PLB1: variants seen among roughly 807,000 people sequenced by gnomAD.
The protein encoded by PLB1 is phospholipase B1.
PLB1 carries 242 observed loss-of-function variants against 227.4 expected under a neutral mutation model. The observed-to-expected ratio is 1.06, with a 90% CI of 0.96 to 1.18. PLB1 has a LOEUF of 1.18. Ranked by LOEUF, PLB1 falls within the 50% of genes most tolerant of loss-of-function variation. The pLI, the probability that PLB1 is intolerant of heterozygous loss-of-function variation, is 0.00. For synonymous variants in PLB1, 757 were observed against 682.2 expected, an observed-to-expected ratio of 1.11 and a Z score of -1.71; for missense variants, 1,858 against 1,816.3, an observed-to-expected ratio of 1.02 and a Z score of -0.42.
rs905831585 is a variant in PLB1 at position 28,566,832 on chromosome 2, C to T, written c.1317C>T (p.Thr439=). 1.9e-6 allele frequency: 3 copies of T among 1,613,882 alleles called. No individual in the cohort carries two copies. In the African/African-American group the frequency reaches 4.0e-5, roughly 22 times the overall value. ...ATGAGAACATCGGCACCGTTACCAC[C>T]CTGGCGAGTGAGTACGCGGCGGCGG... ...GGDENIGTVT[T]LANILREFNP... The change falls in exon 20 of 58, where the codon ACC becomes ACT. Residue 439 remains threonine (T), a synonymous_variant. Transcript: ENST00000327757.
chr2:28,614,014 G>GTTTTT lies in PLB1; in HGVS notation c.3130-12_3130-8dup. On this transcript the variant is annotated splice_polypyrimidine_tract_variant and intron_variant, in intron 43 of 57. Transcript: ENST00000327757. The stretch of plus-strand genomic sequence containing the variant: ...GTGCTGTCAGATAACTTCTCCATGT[G>GTTTTT]TTTTTTTTTCTCTTAGAATGAGCCC... The GTTTTT allele has an allele frequency of 6.5e-7, 1 of 1,547,092 alleles. No individual in the cohort carries two copies. Among genetic ancestry groups the GTTTTT allele is most frequent in the Admixed American group, 1.7e-5 (1 of 58,774 alleles).
chr2:28,517,765 A>G (rs1028380356), intron 2 of PLB1, among the ~76,000 whole-genome samples: 4 of 152,136 alleles, frequency 2.6e-5, no homozygotes, highest in Non-Finnish European at 5.9e-5. Flanking sequence ...AGTAAAATAT[A>G]TACAAAAGTT....
intron 14 of PLB1, among the ~76,000 whole-genome samples, chr2:28,546,649 T>A (rs1673307804): frequency 6.6e-6 from 1 of 152,138 alleles, no homozygotes. Context: ...TTCTGGGGAT[T>A]GGGGATGCAG....
At chr2:28,613,671 G>A (rs1270733174) in intron 43 of PLB1, among the ~76,000 whole-genome samples, 1 of 152,110 alleles carries the variant, frequency 6.6e-6, no homozygotes, top group Non-Finnish European at 1.5e-5. Context: ...AACACTTTCT[G>A]GAAGATTAAA....
intron 43 of PLB1, among the ~76,000 whole-genome samples, chr2:28,611,634 G>T (rs113302913): frequency 6.6e-6 from 1 of 152,076 alleles, no homozygotes; most frequent in Non-Finnish European, 1.5e-5. Context: ...GCTCTCTAAC[G>T]CTTGAGCTGC....
intron 34 of PLB1, 57 bp from the exon 35 acceptor site, chr2:28,598,594 GA>G: frequency 2.2e-6 from 3 of 1,363,590 alleles, no homozygotes; most frequent in Non-Finnish European, 3.2e-6. Context: ...CAGTACCAGA[GA>G]AGCTATTCTG....
In PLB1 at chr2:28,604,663, G is replaced by T. The variant is rs1451018311; in HGVS notation, c.2865G>T (p.Met955Ile). 1 of 1,613,940 alleles carries T rather than the reference G, an allele frequency of 6.2e-7. No homozygotes were observed. Among genetic ancestry groups the T allele is most frequent in the African/African-American group, 1.3e-5 (1 of 74,920 alleles). The change falls in exon 41 of 58, where the codon ATG becomes ATT. Residue 955 changes from methionine to isoleucine, a missense_variant. Coordinates refer to ENST00000327757, the MANE Select transcript of PLB1 (RefSeq NM_153021.5). ...TGTGCATGTGTCCCCAGAGCAGCAT[G>T]CGCGAGCTGGTGGGGTCAGGCCGCT... ...EAFSRAYRSSMRELVGSGRYD... is the reference protein window; with the variant it reads ...EAFSRAYRSSIRELVGSGRYD...
At chr2:28,525,184 T>A in intron 4 of PLB1, 83 bp from the exon 5 acceptor site, 1 of 1,324,732 alleles carries the variant, frequency 7.5e-7, no homozygotes, top group African/African-American at 1.5e-5. Flanking sequence ...GGAGGGGGAG[T>A]TCTGACAGGC....
chr2:28,599,589 C>G (rs60501996), intron 35 of PLB1, among the ~76,000 whole-genome samples: 9 of 152,144 alleles, frequency 5.9e-5, no homozygotes, highest in Non-Finnish European at 1.3e-4. Flanking sequence ...GGAGCACAGA[C>G]GCCTGAAATC....
At chr2:28,516,086 T>A (rs964018739) in intron 1 of PLB1, among the ~76,000 whole-genome samples, 5 of 152,248 alleles carry the variant, frequency 3.3e-5, no homozygotes, top group African/African-American at 9.6e-5. Flanking sequence ...GCTGTTAATT[T>A]AAAAATACTA....
At chr2:28,576,932 A>G (rs1679059922) in intron 21 of PLB1, among the ~76,000 whole-genome samples, 1 of 152,166 alleles carries the variant, frequency 6.6e-6, no homozygotes, top group Non-Finnish European at 1.5e-5. Flanking sequence ...AATAGATAAG[A>G]GGGGAAGAGG....
intron 1 of PLB1, among the ~76,000 whole-genome samples, chr2:28,515,278 T>C (rs1443688525): frequency 6.6e-6 from 1 of 152,184 alleles, no homozygotes; most frequent in Non-Finnish European, 1.5e-5. Context: ...TGGTCACAGC[T>C]CCCTGTTGCT....
At chr2:28,620,707 G>C in intron 48 of PLB1, 64 bp downstream of exon 48, 1 of 1,601,152 alleles carries the variant, frequency 6.2e-7, no homozygotes, top group Non-Finnish European at 8.5e-7. Flanking sequence ...GGGCCTTCCT[G>C]CTGGAGGAGG....
At chr2:28,496,217 G>C (rs1666416188) in intron 1 of PLB1, 48 bp downstream of exon 1, 6 of 1,574,740 alleles carry the variant, frequency 3.8e-6, no homozygotes, top group Admixed American at 3.4e-5. Context: ...TAGCCCCGCT[G>C]GTGTCCCATG....
chr2:28,514,724 G>A (rs1409986941), intron 1 of PLB1, among the ~76,000 whole-genome samples: 1 of 152,232 alleles, frequency 6.6e-6, no homozygotes, highest in African/African-American at 2.4e-5. Flanking sequence ...CCTTGGGCAT[G>A]TGGCTTACAC....
intron 28 of PLB1, 99 bp downstream of exon 28, chr2:28,589,869 G>T: frequency 7.3e-7 from 1 of 1,372,094 alleles, no homozygotes; most frequent in South Asian, 1.2e-5. Flanking sequence ...CAGGCCATGT[G>T]ATTCTATGCA....
chr2:28,634,409 C>A (rs1250018127), intron 56 of PLB1, among the ~76,000 whole-genome samples: 1 of 152,128 alleles, frequency 6.6e-6, no homozygotes, highest in Non-Finnish European at 1.5e-5. Flanking sequence ...ATTCCCTGTT[C>A]CTTTTCCCCT....
intron 48 of PLB1, 30 bp downstream of exon 48, chr2:28,620,673 CT>C: frequency 6.2e-7 from 1 of 1,613,092 alleles, no homozygotes; most frequent in Non-Finnish European, 8.5e-7. Flanking sequence ...GGCACCATCA[CT>C]GTGGCCGTCC....
chr2:28,545,616 A>G lies in PLB1; in HGVS notation c.936+2348A>G, dbSNP rs563971017. On this transcript the variant is annotated intron_variant, in intron 14 of 57. Transcript: ENST00000327757. ...CTGCCAAAAAGGTCTAAGCACCCTT[A>G]GCCAGCACCCAAGGGTTTGTGAAAA... is the stretch of plus-strand genomic sequence containing the variant. Among the ~76,000 whole-genome samples the G allele has an allele frequency of 1.9e-4, 29 of 152,278 alleles. 1 individual carries two copies. In the South Asian group the frequency reaches 5.6e-3, roughly 29 times the overall value.
Sources: gnomAD v4.1 joint callset for allele counts (sites outside exome capture counted in the v4.1 genomes callset) on GRCh38, gnomAD v4.1.1 for gene constraint, MANE v1.5 for transcripts, NCBI Gene and HGNC (gene_info 2026-07-23, HGNC 2026-07-21) for gene names.